ZZZ3: variants seen among roughly 807,000 people sequenced by gnomAD.
The protein encoded by ZZZ3 is zinc finger ZZ-type containing 3.
A neutral mutation model predicts 95.2 loss-of-function variants in ZZZ3; 22 were observed. The ratio of observed to expected loss-of-function variants is 0.23; its 90% CI spans 0.17 to 0.33. The LOEUF is 0.33. ZZZ3 is among the 10% of genes least tolerant of loss of function. The probability of loss-of-function intolerance (pLI) is 1.00; values close to 1 mark genes in which losing one functional copy is unlikely to be tolerated. For synonymous variants in ZZZ3, 335 were observed against 358.9 expected (o/e 0.93, Z 0.75); for missense variants, 885 against 1,066.5 (o/e 0.83, Z 2.37).
intron 10 of ZZZ3, 45 bp from the exon 11 acceptor site, chr1:77,578,914 A>G: frequency 7.9e-7 from 1 of 1,268,582 alleles, no homozygotes; most frequent in Non-Finnish European, 1.1e-6. Context: ...GATGACATAC[A>G]ATACCTGAGT....
intron 5 of ZZZ3, among the ~76,000 whole-genome samples, chr1:77,594,440 T>C (rs983747933): frequency 6.6e-6 from 1 of 152,092 alleles, no homozygotes; most frequent in African/African-American, 2.4e-5. Flanking sequence ...AAGCCATTTT[T>C]CTACATCTTT....
intron 12 of ZZZ3, among the ~76,000 whole-genome samples, chr1:77,575,607 A>C (rs1026457927): frequency 6.6e-6 from 1 of 152,252 alleles, no homozygotes; most frequent in Admixed American, 6.5e-5. Context: ...TTCTTCAACA[A>C]AAACATTGGG....
At chr1:77,570,065 C>T (rs1661220380) in intron 12 of ZZZ3, among the ~76,000 whole-genome samples, 1 of 152,176 alleles carries the variant, frequency 6.6e-6, no homozygotes, top group Non-Finnish European at 1.5e-5. Flanking sequence ...TTACACAAAG[C>T]AGCCCAAGTC....
chr1:77,652,822 CATT>C (rs1256844543), intron 1 of ZZZ3, among the ~76,000 whole-genome samples: 1 of 152,124 alleles, frequency 6.6e-6, no homozygotes, highest in Non-Finnish European at 1.5e-5. Context: ...ACCTTAAAAA[CATT>C]ATGCTAACTG....
intron 1 of ZZZ3, among the ~76,000 whole-genome samples, chr1:77,658,646 G>A (rs929906393): frequency 1.3e-5 from 2 of 151,990 alleles, no homozygotes; most frequent in African/African-American, 4.8e-5. Flanking sequence ...TTACAGGCGT[G>A]AGCCACACCG....
chr1:77,604,470 G>C (rs188184615), intron 5 of ZZZ3, among the ~76,000 whole-genome samples: 2 of 152,272 alleles, frequency 1.3e-5, no homozygotes, highest in East Asian at 3.9e-4. Flanking sequence ...TTTTTTTAAA[G>C]TATTTGCAGG....
At chr1:77,583,341 T>C (rs966049998) in intron 6 of ZZZ3, among the ~76,000 whole-genome samples, 2 of 152,156 alleles carry the variant, frequency 1.3e-5, no homozygotes, top group African/African-American at 4.8e-5. Flanking sequence ...GTTGAATCCA[T>C]TGTAAATAAC....
In ZZZ3 at chr1:77,568,399, T is replaced by C; in HGVS notation, c.2399A>G (p.Lys800Arg). Residue 800 changes from lysine to arginine, a missense_variant, in exon 13 of 15, where the codon AAG becomes AGG. By Grantham distance (26) the Lys-to-Arg change is conservative. Coordinates refer to ENST00000370801, the MANE Select transcript of ZZZ3 (RefSeq NM_015534.6). ...TTGCTGAAGTTTCTGCTTCTTTAAC[T>C]TTTTAAACTGTAATAGTTCTTTATA... The part of the protein sequence containing the change: ...PEYKELLQFK[K>R]LKKQKLQQMQ... 6.3e-7 allele frequency: 1 copy of C among 1,584,756 alleles called. No individual in the cohort carries two copies. Among genetic ancestry groups the C allele is most frequent in the Non-Finnish European group, 8.6e-7 (1 of 1,160,818 alleles).
intron 1 of ZZZ3, among the ~76,000 whole-genome samples, chr1:77,654,327 C>T (rs1057394191): frequency 2.0e-5 from 3 of 151,924 alleles, no homozygotes; most frequent in Non-Finnish European, 4.4e-5. Context: ...TAATTCTACC[C>T]AAACTCTTCT....
At chr1:77,566,052 T>C (rs1301565668) in intron 14 of ZZZ3, 29 bp downstream of exon 14, 15 of 1,552,326 alleles carry the variant, frequency 9.7e-6, no homozygotes, top group Non-Finnish European at 1.3e-5. Flanking sequence ...TTGTCTAAGT[T>C]GAAGACTGAC....
intron 1 of ZZZ3, among the ~76,000 whole-genome samples, chr1:77,656,974 A>C (rs1383950747): frequency 6.6e-6 from 1 of 152,086 alleles, no homozygotes; most frequent in Non-Finnish European, 1.5e-5. Context: ...AAACACTTTT[A>C]TTTCTTTATT....
In ZZZ3 at chr1:77,639,485, T is replaced by C. The variant is rs990292504; in HGVS notation, c.-88A>G. On this transcript the variant is annotated 5_prime_UTR_variant, in exon 4 of 15. Coordinates refer to ENST00000370801, the MANE Select transcript of ZZZ3 (RefSeq NM_015534.6). ...AAGATCTATCATTGTGGAAATATAA[T>C]CTCTTTTCCTTATATCCTGAAGGAG... 2.7e-6 allele frequency: 4 copies of C among 1,509,232 alleles called. No homozygotes were observed. The highest frequency in any genetic ancestry group is 2.7e-6 in the Non-Finnish European group (3 of 1,128,172). 93.5% of individuals were successfully genotyped at this position (1,509,232 alleles called of 1,614,324 possible).
intron 5 of ZZZ3, among the ~76,000 whole-genome samples, chr1:77,613,621 G>GA (rs1666024401): frequency 6.6e-6 from 1 of 152,014 alleles, no homozygotes; most frequent in South Asian, 2.1e-4. Context: ...AGTAAGTAAA[G>GA]AGACTTTTTT....
chr1:77,571,040 G>C (rs1340839144), intron 12 of ZZZ3, among the ~76,000 whole-genome samples: 1 of 151,882 alleles, frequency 6.6e-6, no homozygotes, highest in East Asian at 1.9e-4. Context: ...TGTCACCACT[G>C]AGAAAGACAA....
intron 5 of ZZZ3, among the ~76,000 whole-genome samples, chr1:77,622,343 T>C (rs1431825906): frequency 2.0e-5 from 2 of 102,178 alleles, no homozygotes; most frequent in Non-Finnish European, 4.2e-5. Context: ...CTAAAAGGAA[T>C]GATAATGTAA....
chr1:77,578,029 G>C (rs1662139874), intron 11 of ZZZ3, among the ~76,000 whole-genome samples: 1 of 152,064 alleles, frequency 6.6e-6, no homozygotes, highest in South Asian at 2.1e-4. Flanking sequence ...GAATGGGAGA[G>C]AATCAGTGGT....
At chr1:77,595,704 C>T (rs1415030156) in intron 5 of ZZZ3, among the ~76,000 whole-genome samples, 1 of 151,906 alleles carries the variant, frequency 6.6e-6, no homozygotes, top group Non-Finnish European at 1.5e-5. Context: ...CAAACATTTG[C>T]ATTTGGAAGG....
chr1:77,651,897 G>A, intron 1 of ZZZ3, among the ~76,000 whole-genome samples: 1 of 151,682 alleles, frequency 6.6e-6, no homozygotes, highest in South Asian at 2.1e-4. Context: ...TGCATCTGTA[G>A]TCCCAGCTAC....
At chr1:77,657,316 G>A (rs998611597) in intron 1 of ZZZ3, among the ~76,000 whole-genome samples, 11 of 152,072 alleles carry the variant, frequency 7.2e-5, no homozygotes, top group African/African-American at 2.7e-4. Context: ...TCATAAACAC[G>A]GAACTCACAG....
Sources: gnomAD v4.1 joint callset for allele counts (sites outside exome capture counted in the v4.1 genomes callset) on GRCh38, gnomAD v4.1.1 for gene constraint, MANE v1.5 for transcripts, NCBI Gene and HGNC (gene_info 2026-07-23, HGNC 2026-07-21) for gene names.